BAZ1A: variants seen among roughly 807,000 people sequenced by gnomAD.
The protein encoded by BAZ1A is bromodomain adjacent to zinc finger domain protein 1A.
In BAZ1A, 50 loss-of-function variants were observed where a neutral mutation model predicts 185.2. The ratio of observed to expected loss-of-function variants is 0.27; its 90% CI spans 0.22 to 0.34. The LOEUF (loss-of-function observed/expected upper bound fraction) is 0.34, where lower values mean the gene tolerates loss of function less well. BAZ1A is among the 10% of genes least tolerant of loss of function. The pLI is 1.00. For synonymous variants in BAZ1A, 571 were observed against 615.6 expected (o/e 0.93, Z 1.07); for missense variants, 1,356 against 1,839.9 (o/e 0.74, Z 4.81).
rs2042220303 is a variant in BAZ1A at position 34,830,165 on chromosome 14, A to G, written c.393-4009T>C. 2.0e-5 allele frequency among the ~76,000 whole-genome samples: 3 copies of G among 152,212 alleles called. No homozygotes were observed. In the South Asian group the frequency reaches 6.2e-4, roughly 32 times the overall value. Reference sequence around the variant, plus strand: ...GCTATATACCTGAGAGACATAAAACATATGTCCACACAAACTTGTACATAA... The same window carrying G: ...GCTATATACCTGAGAGACATAAAACGTATGTCCACACAAACTTGTACATAA... On this transcript the variant is annotated intron_variant, in intron 3 of 26. Transcript: ENST00000360310.
At chr14:34,836,966 T>A (rs1177738883) in intron 3 of BAZ1A, among the ~76,000 whole-genome samples, 1 of 151,978 alleles carries the variant, frequency 6.6e-6, no homozygotes, top group Non-Finnish European at 1.5e-5. Flanking sequence ...AGACACATGG[T>A]CTTGCTATGC....
rs758826137 is a variant in BAZ1A at position 34,785,769 on chromosome 14, A to G, written c.1831+8T>C. 2.5e-6 allele frequency: 4 copies of G among 1,613,202 alleles called. No individual in the cohort carries two copies. The highest frequency in any genetic ancestry group is 3.4e-6 in the Non-Finnish European group (4 of 1,179,730). ...CAGGTTATGCAAATTCCAACTTGCA[A>G]AGCTTACCTGGTGTCAAATCATACA... On this transcript the variant is annotated splice_region_variant and intron_variant, in intron 14 of 26. Transcript: ENST00000360310.
intron 25 of BAZ1A, among the ~76,000 whole-genome samples, chr14:34,755,534 T>C (rs892498125): frequency 6.6e-6 from 1 of 152,180 alleles, no homozygotes; most frequent in African/African-American, 2.4e-5. Flanking sequence ...TTACTGCATT[T>C]CTTAGTGTTG....
chr14:34,785,253 T>C (rs577286088), intron 14 of BAZ1A, among the ~76,000 whole-genome samples: 1 of 152,328 alleles, frequency 6.6e-6, no homozygotes, highest in Admixed American at 6.5e-5. Flanking sequence ...TTACTATTTC[T>C]AAAAGACTGC....
At chr14:34,801,487 G>A (rs769966133) in intron 7 of BAZ1A, among the ~76,000 whole-genome samples, 3 of 152,180 alleles carry the variant, frequency 2.0e-5, no homozygotes, top group South Asian at 2.1e-4. Context: ...GTAGATACAG[G>A]GTTTTGCCAT....
chr14:34,764,925 A>G lies in BAZ1A; in HGVS notation c.3558T>C (p.Pro1186=). The change falls in exon 23 of 27, where the codon CCT becomes CCC. Residue 1186 remains proline (P), a synonymous_variant. Coordinates refer to ENST00000360310, the MANE Select transcript of BAZ1A (RefSeq NM_013448.3). ...YCVRPKLKTV[P]EGDWFCPECR... ...ATTCTGGACAAAACCAGTCTCCTTC[A>G]GGCACAGTCTGAAAAAATCACATAA... The G allele has an allele frequency of 6.2e-7, 1 of 1,614,122 alleles. No individual in the cohort carries two copies. Among genetic ancestry groups the G allele is most frequent in the Non-Finnish European group, 8.5e-7 (1 of 1,180,016 alleles).
At chr14:34,770,196 C>T (rs1473170079) in intron 21 of BAZ1A, among the ~76,000 whole-genome samples, 1 of 152,104 alleles carries the variant, frequency 6.6e-6, no homozygotes, top group Admixed American at 6.5e-5. Flanking sequence ...TCTTGTTGCC[C>T]AGGCTGGAGT....
intron 2 of BAZ1A, among the ~76,000 whole-genome samples, chr14:34,866,487 C>CA (rs1219524711): frequency 3.7e-3 from 45 of 12,232 alleles, no homozygotes; most frequent in East Asian, 7.1e-3. Flanking sequence ...AACAATATCT[C>CA]AAAAAAAAAA....
rs112024164 is a variant in BAZ1A, at chr14:34,772,725, T to C, written c.3152+847A>G. On this transcript the variant is annotated intron_variant, in intron 20 of 26. Coordinates refer to ENST00000360310, the MANE Select transcript of BAZ1A (RefSeq NM_013448.3). ...GAAGTCCTGGGGTACAACGATGGAA[T>C]AGATGGGACTACAAGTGCATGCCGG... Among the ~76,000 whole-genome samples the C allele has an allele frequency of 5.7e-3, 863 of 152,266 alleles. 8 individuals are homozygous for C. The highest frequency in any genetic ancestry group is 0.019 in the African/African-American group (804 of 41,554).
intron 3 of BAZ1A, among the ~76,000 whole-genome samples, chr14:34,847,680 G>T (rs959628291): frequency 6.6e-6 from 1 of 151,976 alleles, no homozygotes; most frequent in Non-Finnish European, 1.5e-5. Context: ...TCATCTTACC[G>T]CATCAATATA....
rs922432709 is a variant in BAZ1A, at chr14:34,851,928, T to C, written c.392+10116A>G. Reference sequence around the variant, plus strand: ...GGATCACGAGGTCAGGAGATCGAGATCATCCTGGCTAACATGGTGAAACCC... The same window carrying C: ...GGATCACGAGGTCAGGAGATCGAGACCATCCTGGCTAACATGGTGAAACCC... On this transcript the variant is annotated intron_variant, in intron 3 of 26. Coordinates refer to ENST00000360310, the MANE Select transcript of BAZ1A (RefSeq NM_013448.3). 4.0e-5 allele frequency among the ~76,000 whole-genome samples: 6 copies of C among 149,382 alleles called. No individual in the cohort carries two copies. In the East Asian group the frequency reaches 8.1e-4, roughly 20 times the overall value.
chr14:34,806,418 T>TA (rs1267722048), intron 6 of BAZ1A, among the ~76,000 whole-genome samples: 1 of 152,080 alleles, frequency 6.6e-6, no homozygotes, highest in Admixed American at 6.6e-5. Context: ...ACGTGCCCAT[T>TA]AGTTATTTTT....
At position 34,832,213 on chromosome 14, in the gene BAZ1A, CACAT is replaced by C. The variant is rs201417594; in HGVS notation, c.393-6061_393-6058del. Among the ~76,000 whole-genome samples, 169 of 78,682 alleles carry C rather than the reference CACAT, an allele frequency of 2.1e-3. 8 individuals carry two copies. The East Asian group carries it at 0.034, about 16-fold the overall frequency. The allele number at this position is 78,682 out of a possible 152,430, so 51.6% of individuals were successfully genotyped here. The stretch of plus-strand genomic sequence containing the variant: ...ATATACACACACACACACACACACA[CACAT>C]ATATATATATATATGTATGTATGTA... On this transcript the variant is annotated intron_variant, in intron 3 of 26. Transcript: ENST00000360310.
At chr14:34,831,393 A>C (rs1013567157) in intron 3 of BAZ1A, among the ~76,000 whole-genome samples, 2 of 152,214 alleles carry the variant, frequency 1.3e-5, no homozygotes, top group Non-Finnish European at 2.9e-5. Context: ...GAAATCTGTA[A>C]GATAAAATTC....
At chr14:34,782,900 CT>C (rs1880136978) in intron 16 of BAZ1A, among the ~76,000 whole-genome samples, 1 of 152,162 alleles carries the variant, frequency 6.6e-6, no homozygotes, top group Non-Finnish European at 1.5e-5. Flanking sequence ...CACAGAATAA[CT>C]CTGTGAAATA....
rs572752561 is a variant in BAZ1A, at chr14:34,856,163, T to C, written c.392+5881A>G. 1.4e-4 allele frequency among the ~76,000 whole-genome samples: 22 copies of C among 152,336 alleles called. No individual in the cohort carries two copies. In the South Asian group the frequency reaches 4.1e-3, roughly 29 times the overall value. ...AAAGACTTATTCAGTGTTAGTTAAG[T>C]GTGGGGAACCTAGGCCTAGCCTCAA... On this transcript the variant is annotated intron_variant, in intron 3 of 26. Transcript: ENST00000360310.
rs896963938 is a variant in BAZ1A at position 34,874,407 on chromosome 14, G to T, written c.113+85C>A. 7.5e-7 allele frequency: 1 copy of T among 1,330,234 alleles called. No individual in the cohort carries two copies. The highest frequency in any genetic ancestry group is 1.8e-5 in the Admixed American group (1 of 54,760). 82.4% of individuals were successfully genotyped at this position (1,330,234 alleles called of 1,614,324 possible). On this transcript the variant is annotated intron_variant, in intron 2 of 26. Coordinates refer to ENST00000360310, the MANE Select transcript of BAZ1A (RefSeq NM_013448.3). The surrounding 1 kb of genome is among the most constrained non-coding windows in gnomAD (Gnocchi z 4.7). Reference sequence around the variant, plus strand: ...TTCAAGTCGCCCCGCCAGAAGCCCAGGGCGAGGAAAAGGAGAGAGACAAAA... The same window carrying T: ...TTCAAGTCGCCCCGCCAGAAGCCCATGGCGAGGAAAAGGAGAGAGACAAAA...
chr14:34,758,375 A>T (rs991177298), intron 25 of BAZ1A, among the ~76,000 whole-genome samples: 3 of 151,648 alleles, frequency 2.0e-5, no homozygotes, highest in Non-Finnish European at 4.4e-5. Flanking sequence ...AGGTCAGGAG[A>T]TTGAGACCAG....
chr14:34,806,033 A>T (rs577748232), intron 6 of BAZ1A, among the ~76,000 whole-genome samples: 287 of 151,676 alleles, frequency 1.9e-3, no homozygotes, highest in Non-Finnish European at 2.6e-3. Flanking sequence ...TCTCCTAAGT[A>T]CCTCATCATG....
Sources: allele counts gnomAD v4.1 joint callset (sites outside exome capture counted in the v4.1 genomes callset), GRCh38; gene constraint gnomAD v4.1.1; non-coding constraint Gnocchi (gnomAD v3.1); transcripts MANE v1.5; gene names NCBI Gene and HGNC (gene_info 2026-07-23, HGNC 2026-07-21).